PTBP2: variants seen among roughly 807,000 people sequenced by gnomAD.
PTBP2 encodes the protein polypyrimidine tract binding protein 2.
In PTBP2, 13 loss-of-function variants were observed where a neutral mutation model predicts 61.4. The observed-to-expected ratio is 0.21, with a 90% CI of 0.14 to 0.34. PTBP2 has a LOEUF of 0.34. Ranked by LOEUF, PTBP2 falls within the 10% of genes least tolerant of loss-of-function variation. The pLI is 1.00. For synonymous variants in PTBP2, 215 were observed against 218.5 expected, an observed-to-expected ratio of 0.98 and a Z score of 0.14; for missense variants, 405 against 642.6, an observed-to-expected ratio of 0.63 and a Z score of 4.00.
chr1:96,722,989 A>G (rs1649837850), intron 1 of PTBP2, among the ~76,000 whole-genome samples: 1 of 152,222 alleles, frequency 6.6e-6, no homozygotes, highest in African/African-American at 2.4e-5. Flanking sequence ...ATCAGTGAGT[A>G]TTTGAAGAAT....
downstream of PTBP2, chr1:96,817,437 C>A (rs909684979): frequency 6.6e-6 from 1 of 152,030 alleles, no homozygotes; most frequent in East Asian, 1.9e-4. Context: ...TATAGTTATT[C>A]TTTGTTATTT....
chr1:96,762,900 G>A (rs1454087478), intron 3 of PTBP2, among the ~76,000 whole-genome samples: 3 of 151,932 alleles, frequency 2.0e-5, no homozygotes, highest in Admixed American at 6.6e-5. Flanking sequence ...CCTCCCAGAC[G>A]GGGTCGCGGC....
intron 2 of PTBP2, among the ~76,000 whole-genome samples, chr1:96,739,799 A>AT (rs1480184906): frequency 2.0e-5 from 3 of 150,500 alleles, no homozygotes; most frequent in East Asian, 2.0e-4. Context: ...ATATATATAT[A>AT]TATTTTTTAG....
chr1:96,796,193 CT>C (rs1234105736), intron 8 of PTBP2, among the ~76,000 whole-genome samples: 2 of 151,696 alleles, frequency 1.3e-5, no homozygotes, highest in Non-Finnish European at 2.9e-5. Flanking sequence ...TGGCTCACAC[CT>C]GCAATCCCAG....
chr1:96,727,465 G>A lies in PTBP2; in HGVS notation c.39+3871G>A, dbSNP rs376912991. Reference sequence around the variant, plus strand: ...ATAGGCATATGTTTAACTTTTTAAGGAACTGCAAACTTTTTAAAAGTAGTT... The same window carrying A: ...ATAGGCATATGTTTAACTTTTTAAGAAACTGCAAACTTTTTAAAAGTAGTT... On this transcript the variant is annotated intron_variant, in intron 2 of 13. Coordinates refer to ENST00000674951, the MANE Select transcript of PTBP2 (RefSeq NM_021190.4). Among the ~76,000 whole-genome samples, 237 of 152,168 alleles carry A rather than the reference G, an allele frequency of 1.6e-3. 7 individuals are homozygous for A. The South Asian group carries it at 0.047, about 30-fold the overall frequency.
chr1:96,802,176 A>T (rs1448291201), intron 8 of PTBP2, among the ~76,000 whole-genome samples: 2 of 136,794 alleles, frequency 1.5e-5, no homozygotes, highest in Non-Finnish European at 3.0e-5. Context: ...ACGCCACTGC[A>T]CTCCAACCTG....
intron 3 of PTBP2, among the ~76,000 whole-genome samples, chr1:96,761,586 G>T (rs1655876423): frequency 6.6e-6 from 1 of 152,052 alleles, no homozygotes; most frequent in Non-Finnish European, 1.5e-5. Flanking sequence ...TCTGGAAGAA[G>T]ACAAGTTTGG....
At chr1:96,724,461 C>T (rs1046333620) in intron 2 of PTBP2, among the ~76,000 whole-genome samples, 1 of 151,886 alleles carries the variant, frequency 6.6e-6, no homozygotes, top group African/African-American at 2.4e-5. Flanking sequence ...GTTGGTCAGG[C>T]TGGTCTCAAA....
intron 5 of PTBP2, among the ~76,000 whole-genome samples, chr1:96,774,969 A>G (rs980936158): frequency 1.3e-5 from 2 of 152,138 alleles, no homozygotes; most frequent in African/African-American, 4.8e-5. Context: ...CACTGCTCTC[A>G]TGCATGGAAT....
intron 3 of PTBP2, among the ~76,000 whole-genome samples, chr1:96,763,515 C>G (rs1054443841): frequency 6.8e-6 from 1 of 146,702 alleles, no homozygotes; most frequent in Admixed American, 6.8e-5. Flanking sequence ...TGCAGTGAGT[C>G]GAGATGGCAG....
At chr1:96,760,115 G>T (rs1655632670) in intron 3 of PTBP2, among the ~76,000 whole-genome samples, 1 of 152,060 alleles carries the variant, frequency 6.6e-6, no homozygotes, top group Admixed American at 6.6e-5. Context: ...GAGGAGATGT[G>T]GGTGGGGACA....
intron 11 of PTBP2, among the ~76,000 whole-genome samples, chr1:96,809,940 A>T (rs1278004016): frequency 6.6e-6 from 1 of 152,142 alleles, no homozygotes; most frequent in Admixed American, 6.5e-5. Context: ...AAAACATGCC[A>T]CAAGTTGGAT....
intron 13 of PTBP2, 44 bp from the exon 14 acceptor site, chr1:96,813,232 C>G (rs769681060): frequency 6.4e-7 from 1 of 1,565,088 alleles, no homozygotes; most frequent in Non-Finnish European, 8.6e-7. Flanking sequence ...TAAGCCCTTT[C>G]TAATTTGTAT....
At chr1:96,790,230 AC>A (rs2101096277) in intron 8 of PTBP2, among the ~76,000 whole-genome samples, 1 of 149,680 alleles carries the variant, frequency 6.7e-6, no homozygotes, top group Non-Finnish European at 1.5e-5. Flanking sequence ...TCTTATATAA[AC>A]TTAAAGTTAG....
intron 7 of PTBP2, among the ~76,000 whole-genome samples, chr1:96,784,196 A>T (rs1658981385): frequency 6.6e-6 from 1 of 152,112 alleles, no homozygotes; most frequent in South Asian, 2.1e-4. Flanking sequence ...AATGGTGATT[A>T]TATAGGAGCA....
At chr1:96,729,642 T>G (rs548804321) in intron 2 of PTBP2, among the ~76,000 whole-genome samples, 3 of 152,164 alleles carry the variant, frequency 2.0e-5, no homozygotes, top group Non-Finnish European at 4.4e-5. Flanking sequence ...TCTTCTTGAG[T>G]GAACTTTGGT....
chr1:96,781,817 A>T (rs1658704614), intron 7 of PTBP2, among the ~76,000 whole-genome samples: 2 of 152,132 alleles, frequency 1.3e-5, no homozygotes, highest in African/African-American at 4.8e-5. Flanking sequence ...CATAGTAACA[A>T]TCTTAATTAT....
At chr1:96,738,251 C>T (rs994806314) in intron 2 of PTBP2, among the ~76,000 whole-genome samples, 4 of 151,902 alleles carry the variant, frequency 2.6e-5, no homozygotes, top group Non-Finnish European at 5.9e-5. Flanking sequence ...TATATATAAA[C>T]TCTTGCTTGG....
chr1:96,797,952 T>C (rs915814895), intron 8 of PTBP2, among the ~76,000 whole-genome samples: 3 of 152,000 alleles, frequency 2.0e-5, no homozygotes, highest in Admixed American at 6.6e-5. Flanking sequence ...GGTGGGTGCC[T>C]GTAGTCCCAG....
Sources: gnomAD v4.1 joint callset for allele counts (sites outside exome capture counted in the v4.1 genomes callset) on GRCh38, gnomAD v4.1.1 for gene constraint, MANE v1.5 for transcripts, NCBI Gene and HGNC (gene_info 2026-07-23, HGNC 2026-07-21) for gene names.